The following BLOC1S5 variants were observed in gnomAD, a reference collection of about 807,000 sequenced individuals.
The protein encoded by BLOC1S5 is biogenesis of lysosome-related organelles complex 1 subunit 5.
In BLOC1S5, 27 loss-of-function variants were observed where a neutral mutation model predicts 24.3. The ratio of observed to expected loss-of-function variants is 1.11; its 90% CI spans 0.82 to 1.53. BLOC1S5 has a LOEUF of 1.53. Ranked by LOEUF, BLOC1S5 falls within the 40% of genes most tolerant of loss-of-function variation. The probability of loss-of-function intolerance (pLI) is 0.00; values close to 1 mark genes in which losing one functional copy is unlikely to be tolerated. For synonymous variants in BLOC1S5, 84 were observed against 74.5 expected (o/e 1.13, Z -0.66); for missense variants, 239 against 229.4 (o/e 1.04, Z -0.27).
chr6:8,044,953 T>C (rs1186484803), intron 2 of BLOC1S5, among the ~76,000 whole-genome samples: 2 of 152,066 alleles, frequency 1.3e-5, no homozygotes, highest in African/African-American at 4.8e-5. Flanking sequence ...TGAGGAGAAA[T>C]CCAAGCCGGC....
At chr6:8,061,955 T>A (rs998414668) in intron 2 of BLOC1S5, among the ~76,000 whole-genome samples, 9 of 152,164 alleles carry the variant, frequency 5.9e-5, no homozygotes, top group African/African-American at 2.2e-4. Flanking sequence ...AGAAATAGTA[T>A]CAAAGGTTTT....
At chr6:8,056,456 G>A (rs1038049692) in intron 2 of BLOC1S5, among the ~76,000 whole-genome samples, 4 of 151,976 alleles carry the variant, frequency 2.6e-5, no homozygotes, top group African/African-American at 9.7e-5. Context: ...TCTGTTTTTA[G>A]ACATATTCAA....
chr6:8,050,143 G>A (rs1764056236), intron 2 of BLOC1S5, among the ~76,000 whole-genome samples: 1 of 152,186 alleles, frequency 6.6e-6, no homozygotes, highest in African/African-American at 2.4e-5. Flanking sequence ...ATTTCCATCA[G>A]CATGAGCTCA....
chr6:8,032,231 T>C (rs1763322483), intron 3 of BLOC1S5, among the ~76,000 whole-genome samples: 1 of 152,050 alleles, frequency 6.6e-6, no homozygotes, highest in Non-Finnish European at 1.5e-5. Context: ...AAAAGACTAA[T>C]ATGCAGAGTC....
intron 2 of BLOC1S5, among the ~76,000 whole-genome samples, chr6:8,049,511 T>C (rs1468644774): frequency 6.6e-6 from 1 of 152,188 alleles, no homozygotes; most frequent in African/African-American, 2.4e-5. Context: ...ATTTAAATTA[T>C]GTAAAACATT....
intron 4 of BLOC1S5, among the ~76,000 whole-genome samples, chr6:8,017,441 C>CATGTTAATTCCAGCACTTGA (rs1762783395): frequency 6.6e-6 from 1 of 151,936 alleles, no homozygotes; most frequent in African/African-American, 2.4e-5. Flanking sequence ...TTAATTTTGG[C>CATGTTAATTCCAGCACTTGA]ATGTTAATTC....
intron 3 of BLOC1S5, among the ~76,000 whole-genome samples, chr6:8,033,620 A>G (rs868195637): frequency 6.6e-6 from 1 of 152,302 alleles, no homozygotes; most frequent in South Asian, 2.1e-4. Context: ...AAGCCAAAAT[A>G]GACAAATGGG....
chr6:8,054,724 T>A (rs911734052), intron 2 of BLOC1S5, among the ~76,000 whole-genome samples: 2 of 152,388 alleles, frequency 1.3e-5, no homozygotes, highest in African/African-American at 2.4e-5. Flanking sequence ...GGTAACTATC[T>A]TAGCGTTGTC....
chr6:8,054,377 A>G, intron 2 of BLOC1S5: 1 of 372,028 alleles, frequency 2.7e-6, no homozygotes, highest in South Asian at 2.1e-5. Flanking sequence ...TTCATTCTGT[A>G]AGTAAATATA....
chr6:8,043,543 C>T (rs9689436), intron 2 of BLOC1S5, among the ~76,000 whole-genome samples: 6,041 of 152,062 alleles, frequency 0.04, 376 homozygotes, highest in African/African-American at 0.13. Context: ...TAAGGAAAGG[C>T]GGAGGAACTG....
At chr6:8,058,357 GAAAAAAAAAAAAAAAAAAA>G (rs60827828) in intron 2 of BLOC1S5, among the ~76,000 whole-genome samples, 31 of 84,556 alleles carry the variant, frequency 3.7e-4, no homozygotes, top group South Asian at 6.3e-4. Context: ...CTGTCTCTAT[GAAAAAAAAAAAAAAAAAAA>G]AAAAAAAAAA....
At chr6:8,049,096 T>C (rs1764015809) in intron 2 of BLOC1S5, among the ~76,000 whole-genome samples, 1 of 137,376 alleles carries the variant, frequency 7.3e-6, no homozygotes. Context: ...AGAGGCCAGG[T>C]ACAGTGGTTC....
At chr6:8,062,473 C>A (rs1222184264) in intron 2 of BLOC1S5, 61 bp downstream of exon 2, 2 of 1,011,656 alleles carry the variant, frequency 2.0e-6, no homozygotes, top group African/African-American at 1.6e-5. Context: ...AATTTCTCTT[C>A]TGTATAATAA....
chr6:8,030,410 G>A (rs1032188039), intron 3 of BLOC1S5, among the ~76,000 whole-genome samples: 10 of 150,014 alleles, frequency 6.7e-5, no homozygotes, highest in African/African-American at 2.3e-4. Flanking sequence ...CACCCACCTC[G>A]GCCTCCCAAA....
intron 2 of BLOC1S5, chr6:8,054,393 A>C: frequency 2.9e-6 from 1 of 347,152 alleles, no homozygotes; most frequent in Non-Finnish European, 5.6e-6. Context: ...ATATATATTG[A>C]ATGCTTACCC....
chr6:8,058,632 G>C (rs140847135), intron 2 of BLOC1S5, among the ~76,000 whole-genome samples: 2,635 of 152,266 alleles, frequency 0.017, 76 homozygotes, highest in African/African-American at 0.059. Context: ...TGAGGCTGCA[G>C]TAAGCCATGA....
rs972822153 is a variant in BLOC1S5, at chr6:8,047,835, C to T, written c.196-6567G>A. 3.3e-5 allele frequency among the ~76,000 whole-genome samples: 5 copies of T among 152,308 alleles called. No homozygotes were observed. In the East Asian group the frequency reaches 9.6e-4, roughly 29 times the overall value. On this transcript the variant is annotated intron_variant, in intron 2 of 4. Transcript: ENST00000397457. ...ATGGGTTGTATACTCTCAACAGCAT[C>T]TTGGTAGCATTCTGTCTTTGTTTAC...
intron 2 of BLOC1S5, among the ~76,000 whole-genome samples, chr6:8,057,125 C>G (rs556132946): frequency 6.6e-6 from 1 of 151,712 alleles, no homozygotes; most frequent in African/African-American, 2.4e-5. Context: ...AGGCTGAGGC[C>G]GGAGAATCGC....
At chr6:8,031,200 C>G (rs1763284015) in intron 3 of BLOC1S5, among the ~76,000 whole-genome samples, 1 of 152,166 alleles carries the variant, frequency 6.6e-6, no homozygotes, top group Admixed American at 6.5e-5. Flanking sequence ...TCACTAGTCA[C>G]TGATGATATT....
Sources: gnomAD v4.1 joint callset for allele counts (sites outside exome capture counted in the v4.1 genomes callset) on GRCh38, gnomAD v4.1.1 for gene constraint, MANE v1.5 for transcripts, NCBI Gene and HGNC (gene_info 2026-07-23, HGNC 2026-07-21) for gene names.